PRKD1: variants seen among roughly 807,000 people sequenced by gnomAD.
The protein encoded by PRKD1 is protein kinase D1.
PRKD1 carries 63 observed loss-of-function variants against 95.9 expected under a neutral mutation model. The observed-to-expected ratio is 0.66, with a 90% CI of 0.54 to 0.81. PRKD1 has a LOEUF of 0.81. Among genes scored for constraint, PRKD1 ranks in the 30% least tolerant of loss-of-function variants. PRKD1 has a pLI of 0.00. For missense variants in PRKD1, 1,048 were observed against 1,165.3 expected (o/e 0.90, Z 1.47); for synonymous variants, 425 against 423.1 (o/e 1.00, Z -0.05).
At chr14:29,595,881 G>GT (rs1893280256) in intron 16 of PRKD1, among the ~76,000 whole-genome samples, 1 of 152,224 alleles carries the variant, frequency 6.6e-6, no homozygotes, top group African/African-American at 2.4e-5. Flanking sequence ...AAGCATAATG[G>GT]TTAGCTGTAT....
intron 1 of PRKD1, among the ~76,000 whole-genome samples, chr14:29,872,300 T>C (rs1192107960): frequency 6.6e-6 from 1 of 152,198 alleles, no homozygotes; most frequent in Non-Finnish European, 1.5e-5. Context: ...CAAAAATACA[T>C]TTTAAACATT....
intron 2 of PRKD1, among the ~76,000 whole-genome samples, chr14:29,700,975 T>TGCGC (rs750081427): frequency 0.015 from 971 of 62,874 alleles, 14 homozygotes; most frequent in African/African-American, 0.048. Flanking sequence ...CGCGTGCGCA[T>TGCGC]GCGCGCGCGC....
chr14:29,912,624 C>T (rs527629932), intron 1 of PRKD1, among the ~76,000 whole-genome samples: 1 of 152,302 alleles, frequency 6.6e-6, no homozygotes, highest in African/African-American at 2.4e-5. Flanking sequence ...TTTGGGACAA[C>T]CCAACTTCCA....
At chr14:29,611,366 C>T (rs1878445040) in intron 13 of PRKD1, among the ~76,000 whole-genome samples, 3 of 151,978 alleles carry the variant, frequency 2.0e-5, no homozygotes, top group South Asian at 2.1e-4. Flanking sequence ...AAAACCTCAA[C>T]GAAATCTAGA....
At chr14:29,923,155 T>G (rs1895180254) in intron 1 of PRKD1, among the ~76,000 whole-genome samples, 1 of 147,502 alleles carries the variant, frequency 6.8e-6, no homozygotes, top group Non-Finnish European at 1.5e-5. Context: ...CACTTAAGCC[T>G]GGAGGCCAAG....
rs186455236 is a variant in PRKD1, at chr14:29,733,390, G to A, written c.265-7716C>T. On this transcript the variant is annotated intron_variant, in intron 1 of 17. Transcript: ENST00000331968. The stretch of plus-strand genomic sequence containing the variant: ...GCTGGGATTACAGGAGTGAGCTACC[G>A]TGCCCGGCCAGTTCACTGATATTTT... Among the ~76,000 whole-genome samples the A allele has an allele frequency of 1.3e-3, 197 of 152,174 alleles. 3 individuals are homozygous for A. Among genetic ancestry groups the A allele is most frequent in the East Asian group, 5.8e-3 (30 of 5,166 alleles).
chr14:29,849,416 G>C (rs1043400543), intron 1 of PRKD1, among the ~76,000 whole-genome samples: 23 of 152,210 alleles, frequency 1.5e-4, no homozygotes, highest in Non-Finnish European at 1.3e-4. Flanking sequence ...AGCAGTGCAA[G>C]AGTGGAGTAA....
At chr14:29,901,865 A>G (rs1253229578) in intron 1 of PRKD1, among the ~76,000 whole-genome samples, 1 of 152,210 alleles carries the variant, frequency 6.6e-6, no homozygotes, top group Non-Finnish European at 1.5e-5. Flanking sequence ...AAGATTATTA[A>G]GATGCAGAAA....
At chr14:29,677,137 C>T (rs1250075726) in intron 2 of PRKD1, among the ~76,000 whole-genome samples, 1 of 152,086 alleles carries the variant, frequency 6.6e-6, no homozygotes, top group African/African-American at 2.4e-5. Context: ...TAATTTTTCT[C>T]CATTTATTTG....
At chr14:29,869,310 C>G (rs943562668) in intron 1 of PRKD1, among the ~76,000 whole-genome samples, 2 of 151,710 alleles carry the variant, frequency 1.3e-5, no homozygotes, top group Non-Finnish European at 2.9e-5. Flanking sequence ...GGGCATGGTG[C>G]CACGTGCCTG....
intron 1 of PRKD1, among the ~76,000 whole-genome samples, chr14:29,743,216 C>T (rs937349221): frequency 3.9e-5 from 6 of 151,966 alleles, no homozygotes; most frequent in African/African-American, 7.3e-5. Context: ...GTGAATAGGC[C>T]GGTAACTAGA....
intron 9 of PRKD1, 38 bp from the exon 10 acceptor site, chr14:29,631,059 A>T (rs1337025895): frequency 1.3e-6 from 2 of 1,535,496 alleles, no homozygotes; most frequent in Admixed American, 3.8e-5. Context: ...TGTTTATCAA[A>T]AGTATGTAAA....
At chr14:29,819,486 C>G (rs536499479) in intron 1 of PRKD1, among the ~76,000 whole-genome samples, 1 of 151,972 alleles carries the variant, frequency 6.6e-6, no homozygotes, top group Non-Finnish European at 1.5e-5. Flanking sequence ...GTCAGGAGAT[C>G]GAGACCATCC....
chr14:29,859,209 T>C (rs1355467033), intron 1 of PRKD1, among the ~76,000 whole-genome samples: 2 of 152,160 alleles, frequency 1.3e-5, no homozygotes, highest in Non-Finnish European at 2.9e-5. Context: ...CCGTGGCTTA[T>C]GCCTGTAATC....
intron 1 of PRKD1, among the ~76,000 whole-genome samples, chr14:29,760,349 C>CTT (rs36093531): frequency 0.016 from 1,871 of 114,082 alleles, 61 homozygotes; most frequent in Admixed American, 0.057. Flanking sequence ...ATTTTCTCAA[C>CTT]TTTTTTTTTT....
At chr14:29,895,086 C>T (rs1269486994) in intron 1 of PRKD1, among the ~76,000 whole-genome samples, 6 of 152,172 alleles carry the variant, frequency 3.9e-5, no homozygotes, top group African/African-American at 1.4e-4. Flanking sequence ...AATCCCAACA[C>T]TTTGGGAGGC....
At chr14:29,779,315 A>C (rs1888925741) in intron 1 of PRKD1, among the ~76,000 whole-genome samples, 3 of 152,042 alleles carry the variant, frequency 2.0e-5, no homozygotes, top group Admixed American at 2.0e-4. Flanking sequence ...AGAAATAAAG[A>C]GTATTCAATT....
intron 1 of PRKD1, among the ~76,000 whole-genome samples, chr14:29,789,167 T>G (rs752767056): frequency 3.2e-4 from 48 of 152,156 alleles, no homozygotes; most frequent in Non-Finnish European, 2.9e-4. Flanking sequence ...ATTACAGACA[T>G]GAGCCACCAT....
At chr14:29,751,501 TAA>T (rs1353984749) in intron 1 of PRKD1, among the ~76,000 whole-genome samples, 1 of 152,148 alleles carries the variant, frequency 6.6e-6, no homozygotes, top group African/African-American at 2.4e-5. Context: ...ACCAAGAGGA[TAA>T]AGTCAAGGGA....
Sources: gnomAD v4.1 joint callset for allele counts (sites outside exome capture counted in the v4.1 genomes callset) on GRCh38, gnomAD v4.1.1 for gene constraint, MANE v1.5 for transcripts, NCBI Gene and HGNC (gene_info 2026-07-23, HGNC 2026-07-21) for gene names.